The following C14orf39 variants were observed in gnomAD, a reference collection of about 807,000 sequenced individuals.
C14orf39 encodes chromosome 14 open reading frame 39, also known as protein SIX6OS1.
Under a neutral mutation model 85.6 loss-of-function variants are expected in C14orf39, and 66 were observed. The observed-to-expected ratio is 0.77, with a 90% CI of 0.63 to 0.95. The LOEUF (loss-of-function observed/expected upper bound fraction) is 0.95, where lower values mean the gene tolerates loss of function less well. Among genes scored for constraint, C14orf39 ranks in the 40% least tolerant of loss-of-function variants. The pLI, the probability that C14orf39 is intolerant of heterozygous loss-of-function variation, is 0.00. For synonymous variants in C14orf39, 242 were observed against 214.0 expected, an observed-to-expected ratio of 1.13 and a Z score of -1.14; for missense variants, 735 against 663.9, an observed-to-expected ratio of 1.11 and a Z score of -1.18.
chr14:60,446,860 T>C (rs1417847782), intron 16 of C14orf39, among the ~76,000 whole-genome samples: 5 of 152,166 alleles, frequency 3.3e-5, no homozygotes, highest in African/African-American at 1.2e-4. Flanking sequence ...CACAATAAAG[T>C]TGGCTTCATC....
intron 1 of C14orf39, among the ~76,000 whole-genome samples, chr14:60,503,091 C>G (rs1893165838): frequency 6.6e-6 from 1 of 152,194 alleles, no homozygotes; most frequent in Non-Finnish European, 1.5e-5. Context: ...TTAAACCAAG[C>G]TTTACGACAC....
chr14:60,458,703 A>G lies in C14orf39; in HGVS notation c.1154T>C (p.Val385Ala). Residue 385 changes from valine (V) to alanine (A), a missense_variant, in exon 14 of 18, where the codon GTA becomes GCA. Val to Ala is a moderately conservative substitution (Grantham distance 64). Coordinates refer to ENST00000321731, the MANE Select transcript of C14orf39 (RefSeq NM_174978.3). ...TTGTGAAGTACATTTTGATTCTCTTACTTGTCTTACTGTCCCTTTATCTCC... is the reference window on the plus strand; with the variant it reads ...TTGTGAAGTACATTTTGATTCTCTTGCTTGTCTTACTGTCCCTTTATCTCC... The part of the protein sequence containing the change: ...EYGDKGTVRQ[V>A]RESKCTSQAI... 1 of 1,603,134 alleles carries G rather than the reference A, an allele frequency of 6.2e-7. No homozygotes were observed. The highest frequency in any genetic ancestry group is 2.3e-5 in the East Asian group (1 of 44,428).
chr14:60,457,147 G>A, intron 14 of C14orf39, 52 bp from the exon 15 acceptor site: 3 of 1,209,240 alleles, frequency 2.5e-6, no homozygotes, highest in Non-Finnish European at 3.4e-6. Context: ...CTGCATTAAT[G>A]ACATACATAA....
intron 16 of C14orf39, among the ~76,000 whole-genome samples, chr14:60,445,336 A>G (rs1890712542): frequency 6.6e-6 from 1 of 152,214 alleles, no homozygotes; most frequent in African/African-American, 2.4e-5. Flanking sequence ...ACATGCAGAG[A>G]CACACATAGG....
chr14:60,458,181 C>T (rs1891363615), intron 14 of C14orf39, among the ~76,000 whole-genome samples: 1 of 151,906 alleles, frequency 6.6e-6, no homozygotes, highest in Non-Finnish European at 1.5e-5. Context: ...TGGCTGTAAG[C>T]CGTAGTCACC....
rs1890245396 is a variant in C14orf39 at position 60,436,263 on chromosome 14, T to C, written c.*582A>G. 6.6e-6 allele frequency: 1 copy of C among 152,154 alleles called. No individual in the cohort carries two copies. Among genetic ancestry groups the C allele is most frequent in the Non-Finnish European group, 1.5e-5 (1 of 68,018 alleles). 9.4% of individuals were successfully genotyped at this position (152,154 alleles called of 1,614,324 possible). ...GCCCTTTACATTTAATTTTTAGCCATTGAAAGCATTAGCATAACTCATAAA... is the reference window on the plus strand; with the variant it reads ...GCCCTTTACATTTAATTTTTAGCCACTGAAAGCATTAGCATAACTCATAAA... On this transcript the variant is annotated 3_prime_UTR_variant, in exon 18 of 18. Coordinates refer to ENST00000321731, the MANE Select transcript of C14orf39 (RefSeq NM_174978.3).
At chr14:60,448,580 G>A (rs373157490) in intron 16 of C14orf39, among the ~76,000 whole-genome samples, 7 of 152,300 alleles carry the variant, frequency 4.6e-5, no homozygotes, top group East Asian at 1.9e-4. Flanking sequence ...TACAGTGTTC[G>A]TGGGAGTGTA....
intron 17 of C14orf39, 34 bp downstream of exon 17, chr14:60,442,040 T>C (rs368338797): frequency 2.7e-6 from 4 of 1,504,910 alleles, no homozygotes; most frequent in Non-Finnish European, 3.7e-6. Context: ...TGAGTTAACA[T>C]GTTTTTAAAG....
chr14:60,445,450 G>A (rs936354595), intron 16 of C14orf39, among the ~76,000 whole-genome samples: 1 of 152,080 alleles, frequency 6.6e-6, no homozygotes, highest in African/African-American at 2.4e-5. Flanking sequence ...AACCAACAAA[G>A]ATCAAAAGAG....
chr14:60,482,044 T>C (rs928754972), intron 4 of C14orf39, among the ~76,000 whole-genome samples: 14 of 152,248 alleles, frequency 9.2e-5, no homozygotes, highest in African/African-American at 3.1e-4. Flanking sequence ...AGTACTTTCA[T>C]AGATTCTTAT....
At position 60,486,059 on chromosome 14, in the gene C14orf39, G is replaced by T. The variant is rs8021348; in HGVS notation, c.-123C>A. 0.82 allele frequency: 125,368 copies of T among 152,372 alleles called. 53,190 individuals are homozygous for T. The highest frequency in any genetic ancestry group is 0.92 in the Non-Finnish European group (62,713 of 68,224). The allele number at this position is 152,372 out of a possible 1,614,324, so 9.4% of individuals were successfully genotyped here. A position where few individuals can be genotyped will look rare whatever the true frequency, so the allele number is the denominator to read the frequency against. On this transcript the variant is annotated 5_prime_UTR_variant, in exon 1 of 18. Coordinates refer to ENST00000321731, the MANE Select transcript of C14orf39 (RefSeq NM_174978.3). ...AAACGGTCCCCGGAGCCCTGGGCTG[G>T]ACTCGCTCAGCCCCGCCCCCACGCC... is the stretch of plus-strand genomic sequence containing the variant.
chr14:60,456,095 T>C (rs1891261779), intron 15 of C14orf39, among the ~76,000 whole-genome samples: 1 of 152,078 alleles, frequency 6.6e-6, no homozygotes, highest in Non-Finnish European at 1.5e-5. Flanking sequence ...CAATTTAAAA[T>C]ACGGAAGTAG....
At chr14:60,448,671 C>T (rs1890894474) in intron 16 of C14orf39, among the ~76,000 whole-genome samples, 1 of 152,144 alleles carries the variant, frequency 6.6e-6, no homozygotes, top group Admixed American at 6.5e-5. Context: ...CCCAGCAATC[C>T]CATTACTGGG....
chr14:60,478,646 A>G (rs142261047), intron 4 of C14orf39, among the ~76,000 whole-genome samples: 128 of 152,242 alleles, frequency 8.4e-4, no homozygotes, highest in African/African-American at 2.9e-3. Context: ...GAAGGAGCAA[A>G]TGTGACATGG....
chr14:60,467,024 T>C lies in C14orf39; in HGVS notation c.788A>G (p.His263Arg), dbSNP rs777855126. 7.3e-7 allele frequency: 1 copy of C among 1,375,914 alleles called. No homozygotes were observed. 85.2% of individuals were successfully genotyped at this position (1,375,914 alleles called of 1,614,324 possible). ...LKERIFGKDE[H>R]VLTLNKTQSS... Reference sequence around the variant, plus strand: ...TTGAGTTTTATTCAATGTAAGTACATGCTCATCTTTTCCAAAAATTCTAAA... The same window carrying C: ...TTGAGTTTTATTCAATGTAAGTACACGCTCATCTTTTCCAAAAATTCTAAA... Residue 263 changes from histidine (H) to arginine (R), a missense_variant, in exon 10 of 18, where the codon CAT becomes CGT. By Grantham distance (29) the His-to-Arg change is conservative. Transcript: ENST00000321731.
intron 13 of C14orf39, among the ~76,000 whole-genome samples, chr14:60,461,055 T>C (rs1891500733): frequency 6.6e-6 from 1 of 151,916 alleles, no homozygotes. Context: ...ATGTATATGA[T>C]TCAAACTTGG....
upstream of C14orf39, among the ~76,000 whole-genome samples, chr14:60,488,293 T>C (rs574563900): frequency 2.6e-5 from 4 of 152,250 alleles, no homozygotes; most frequent in Admixed American, 6.5e-5. Flanking sequence ...CATAAAAATA[T>C]ACCTAAGTTC....
intron 1 of C14orf39, among the ~76,000 whole-genome samples, chr14:60,514,743 G>A (rs983728499): frequency 3.9e-5 from 6 of 152,200 alleles, no homozygotes; most frequent in Admixed American, 2.0e-4. Context: ...TTAACAAAAA[G>A]GAAAAAAATA....
chr14:60,509,658 T>A, intron 1 of C14orf39: 1 of 1,613,988 alleles, frequency 6.2e-7, no homozygotes, highest in Non-Finnish European at 8.5e-7. Context: ...CACGCCAAGC[T>A]GCAGGCGCTG....
Sources: allele counts gnomAD v4.1 joint callset (sites outside exome capture counted in the v4.1 genomes callset), GRCh38; gene constraint gnomAD v4.1.1; transcripts MANE v1.5; gene names NCBI Gene and HGNC (gene_info 2026-07-23, HGNC 2026-07-21).